The following CAMK4 variants were observed in gnomAD, a reference collection of about 807,000 sequenced individuals.
CAMK4 encodes calcium/calmodulin-dependent protein kinase type IV.
In CAMK4, 22 loss-of-function variants were observed where a neutral mutation model predicts 44.9. The observed-to-expected ratio is 0.49, with a 90% CI of 0.35 to 0.70. The LOEUF (loss-of-function observed/expected upper bound fraction) is 0.70, where lower values mean the gene tolerates loss of function less well. Among genes scored for constraint, CAMK4 ranks in the 30% least tolerant of loss-of-function variants. The probability of loss-of-function intolerance (pLI) is 0.01; values close to 1 mark genes in which losing one functional copy is unlikely to be tolerated. For synonymous variants in CAMK4, 218 were observed against 215.4 expected (o/e 1.01, Z -0.11); for missense variants, 498 against 586.8 (o/e 0.85, Z 1.56).
At chr5:111,361,443 A>G (rs1750586401) in intron 2 of CAMK4, among the ~76,000 whole-genome samples, 1 of 151,998 alleles carries the variant, frequency 6.6e-6, no homozygotes, top group South Asian at 2.1e-4. Flanking sequence ...GAAAACCTAT[A>G]TTTCATTATT....
chr5:111,245,186 A>G (rs1023439760), intron 1 of CAMK4, among the ~76,000 whole-genome samples: 3 of 152,142 alleles, frequency 2.0e-5, no homozygotes, highest in Non-Finnish European at 2.9e-5. Context: ...TACAAGAGAA[A>G]TATCTTTGAT....
At chr5:111,475,364 C>T (rs2112490957) in intron 8 of CAMK4, among the ~76,000 whole-genome samples, 1 of 151,976 alleles carries the variant, frequency 6.6e-6, no homozygotes, top group East Asian at 1.9e-4. Context: ...TATGAAAGAA[C>T]TTGGAGAGAT....
intron 5 of CAMK4, among the ~76,000 whole-genome samples, chr5:111,412,439 A>T (rs1311939926): frequency 1.3e-5 from 2 of 152,234 alleles, no homozygotes; most frequent in Non-Finnish European, 2.9e-5. Flanking sequence ...AAATAATAGC[A>T]ACATTTTAAA....
intron 7 of CAMK4, among the ~76,000 whole-genome samples, chr5:111,466,512 A>G (rs1440465251): frequency 6.6e-6 from 1 of 152,204 alleles, no homozygotes; most frequent in Non-Finnish European, 1.5e-5. Context: ...TCAGGATACA[A>G]AATTAATGTA....
chr5:111,372,681 A>C (rs373064052), intron 2 of CAMK4, among the ~76,000 whole-genome samples: 2 of 152,296 alleles, frequency 1.3e-5, no homozygotes, highest in East Asian at 3.9e-4. Flanking sequence ...CGTGTTTGTT[A>C]CTTGAAACTG....
chr5:111,315,392 A>C (rs969528666), intron 1 of CAMK4, among the ~76,000 whole-genome samples: 2 of 152,168 alleles, frequency 1.3e-5, no homozygotes, highest in African/African-American at 4.8e-5. Flanking sequence ...TGCACAGAAC[A>C]TAGAAAAGCT....
intron 1 of CAMK4, among the ~76,000 whole-genome samples, chr5:111,254,265 C>T (rs1055378059): frequency 6.6e-6 from 1 of 152,194 alleles, no homozygotes; most frequent in Admixed American, 6.5e-5. Flanking sequence ...CAGAAACTGA[C>T]AGGAAATGAA....
upstream of CAMK4, chr5:111,223,636 A>AGCAGTGC (rs1748026574): frequency 6.6e-6 from 1 of 152,380 alleles, no homozygotes; most frequent in Admixed American, 6.5e-5. This position sits in a 1 kb window ranked among gnomAD's most constrained non-coding sequence, Gnocchi z 4.3. Context: ...TAGGAGCTCC[A>AGCAGTGC]GCAGTGCCGA....
chr5:111,241,438 G>A (rs192294085), intron 1 of CAMK4, among the ~76,000 whole-genome samples: 121 of 152,196 alleles, frequency 8.0e-4, no homozygotes, highest in African/African-American at 2.8e-3. Context: ...TTGTGACATC[G>A]TATCAGATGT....
At chr5:111,454,886 A>C (rs181132850) in intron 7 of CAMK4, among the ~76,000 whole-genome samples, 1 of 152,250 alleles carries the variant, frequency 6.6e-6, no homozygotes. Flanking sequence ...TCTAATACGA[A>C]TTATCTAATT....
chr5:111,378,217 C>T (rs1265135208), intron 4 of CAMK4, among the ~76,000 whole-genome samples: 7 of 152,214 alleles, frequency 4.6e-5, no homozygotes, highest in African/African-American at 1.4e-4. Context: ...AAGGTGCCTT[C>T]TATGAGAAAG....
intron 2 of CAMK4, among the ~76,000 whole-genome samples, chr5:111,374,359 T>A (rs980911367): frequency 1.3e-5 from 2 of 152,152 alleles, no homozygotes; most frequent in African/African-American, 4.8e-5. Context: ...GAGAGGCTCC[T>A]GACTGGGATG....
At chr5:111,424,975 C>G (rs1753170243) in intron 5 of CAMK4, among the ~76,000 whole-genome samples, 1 of 151,854 alleles carries the variant, frequency 6.6e-6, no homozygotes, top group Non-Finnish European at 1.5e-5. Context: ...ACCAGCCTGG[C>G]CAACATGGCA....
At chr5:111,326,233 C>CA (rs1748881822) in intron 1 of CAMK4, among the ~76,000 whole-genome samples, 1 of 151,548 alleles carries the variant, frequency 6.6e-6, no homozygotes, top group South Asian at 2.1e-4. Context: ...AGAAAACAAG[C>CA]AAAAAAATGA....
In CAMK4 at chr5:111,485,751, T is replaced by A. The variant is rs544814130; in HGVS notation, c.*1285T>A. ...GAAAAATACTGATTTCAAATCAGACTCTTAAAAAGCTGGAACATTAGACCT... is the reference window on the plus strand; with the variant it reads ...GAAAAATACTGATTTCAAATCAGACACTTAAAAAGCTGGAACATTAGACCT... On this transcript the variant is annotated 3_prime_UTR_variant, in exon 11 of 11. Coordinates refer to ENST00000282356, the MANE Select transcript of CAMK4 (RefSeq NM_001744.6). 6.6e-6 allele frequency: 1 copy of A among 152,176 alleles called. No individual in the cohort carries two copies. The highest frequency in any genetic ancestry group is 1.5e-5 in the Non-Finnish European group (1 of 68,010). The allele number at this position is 152,176 out of a possible 1,614,324, so 9.4% of individuals were successfully genotyped here. A position where few individuals can be genotyped will look rare whatever the true frequency, so the allele number is the denominator to read the frequency against.
chr5:111,330,918 C>T (rs1422845756), intron 1 of CAMK4, among the ~76,000 whole-genome samples: 2 of 151,556 alleles, frequency 1.3e-5, no homozygotes, highest in Non-Finnish European at 3.0e-5. Context: ...TACATAAATA[C>T]ATGGAAAAAA....
intron 1 of CAMK4, among the ~76,000 whole-genome samples, chr5:111,268,570 T>C (rs998300746): frequency 7.9e-5 from 12 of 152,194 alleles, no homozygotes; most frequent in African/African-American, 2.9e-4. Flanking sequence ...AAAAAGTAAA[T>C]AGAAAGTCTT....
chr5:111,249,642 A>G (rs2416263), intron 1 of CAMK4, among the ~76,000 whole-genome samples: 40,088 of 129,376 alleles, frequency 0.31, 5,672 homozygotes, highest in South Asian at 0.43. Context: ...ATATATATAT[A>G]TATGTGTGTG....
At chr5:111,345,567 CTG>C (rs776005505) in intron 2 of CAMK4, among the ~76,000 whole-genome samples, 3 of 151,878 alleles carry the variant, frequency 2.0e-5, no homozygotes, top group Non-Finnish European at 4.4e-5. Flanking sequence ...GGTTAAAAAA[CTG>C]TCAGTAAAAT....
Sources: allele counts gnomAD v4.1 joint callset (sites outside exome capture counted in the v4.1 genomes callset), GRCh38; gene constraint gnomAD v4.1.1; non-coding constraint Gnocchi (gnomAD v3.1); transcripts MANE v1.5; gene names NCBI Gene and HGNC (gene_info 2026-07-23, HGNC 2026-07-21).